Variants in NCAM2 observed in about 807,000 individuals in gnomAD.
NCAM2 encodes N-CAM-2.
A neutral mutation model predicts 98.1 loss-of-function variants in NCAM2; 30 were observed. That is an observed-to-expected ratio of 0.31 (90% confidence interval 0.23 to 0.41). NCAM2 has a LOEUF of 0.41. Among genes scored for constraint, NCAM2 ranks in the 10% least tolerant of loss-of-function variants. NCAM2 has a pLI of 1.00. For missense variants in NCAM2, 867 were observed against 1,005.8 expected (o/e 0.86, Z 1.87); for synonymous variants, 368 against 342.4 (o/e 1.07, Z -0.83).
At chr21:21,280,551 A>G (rs1490717042) in intron 1 of NCAM2, 27 bp from the exon 2 acceptor site, 19 of 1,512,266 alleles carry the variant, frequency 1.3e-5, no homozygotes, top group Non-Finnish European at 1.7e-5. Context: ...AAAAATCACC[A>G]TTAATTGTTT....
chr21:21,071,975 C>T lies in NCAM2; in HGVS notation c.55+73357C>T, dbSNP rs939917088. ...TTGCCCAGGCTGGAGTGCAGTGGCG[C>T]GATCTCGGCTCACTGCAAGCTCCGC... On this transcript the variant is annotated intron_variant, in intron 1 of 17. Coordinates refer to ENST00000400546, the MANE Select transcript of NCAM2 (RefSeq NM_004540.5). 8.9e-4 allele frequency among the ~76,000 whole-genome samples: 135 copies of T among 151,982 alleles called. 3 individuals carry two copies. The highest frequency in any genetic ancestry group is 3.1e-3 in the African/African-American group (129 of 41,404).
At chr21:21,167,669 A>G (rs1169313232) in intron 1 of NCAM2, among the ~76,000 whole-genome samples, 1 of 152,212 alleles carries the variant, frequency 6.6e-6, no homozygotes. Flanking sequence ...GGACATTAAA[A>G]TCATAAAGGA....
chr21:21,131,396 C>T (rs756086262), intron 1 of NCAM2, among the ~76,000 whole-genome samples: 2 of 152,104 alleles, frequency 1.3e-5, no homozygotes, highest in Non-Finnish European at 2.9e-5. Context: ...GTCTCAGCCT[C>T]CCTAGTAGCT....
chr21:21,015,880 T>G (rs1414906025), intron 1 of NCAM2, among the ~76,000 whole-genome samples: 1 of 152,092 alleles, frequency 6.6e-6, no homozygotes, highest in Non-Finnish European at 1.5e-5. Context: ...ATTTTTTTTT[T>G]GTATTTTTAG....
intron 1 of NCAM2, among the ~76,000 whole-genome samples, chr21:21,176,181 T>C (rs552146846): frequency 1.3e-5 from 2 of 152,316 alleles, no homozygotes; most frequent in South Asian, 2.1e-4. Flanking sequence ...TTGGAAGCAC[T>C]AGGCTATTTG....
chr21:21,186,301 G>A (rs1018419588), intron 1 of NCAM2, among the ~76,000 whole-genome samples: 1 of 151,940 alleles, frequency 6.6e-6, no homozygotes, highest in East Asian at 1.9e-4. Context: ...CTTTGATTTG[G>A]CCAGAAAATT....
At chr21:21,496,495 A>G (rs918132403) in intron 15 of NCAM2, among the ~76,000 whole-genome samples, 6 of 151,966 alleles carry the variant, frequency 3.9e-5, no homozygotes, top group Non-Finnish European at 8.8e-5. Context: ...TAAGTTCCCC[A>G]TAGATTCTGG....
At chr21:21,339,882 A>G (rs540455527) in intron 8 of NCAM2, among the ~76,000 whole-genome samples, 3 of 151,900 alleles carry the variant, frequency 2.0e-5, no homozygotes, top group African/African-American at 7.2e-5. Flanking sequence ...GCATTTTAAG[A>G]GATTATTTGA....
intron 9 of NCAM2, among the ~76,000 whole-genome samples, chr21:21,378,997 G>A (rs1302377139): frequency 6.6e-6 from 1 of 151,868 alleles, no homozygotes; most frequent in Admixed American, 6.6e-5. Context: ...CTAATTTAAG[G>A]CCATGACAAT....
intron 1 of NCAM2, among the ~76,000 whole-genome samples, chr21:21,246,599 A>T (rs1037231178): frequency 1.3e-5 from 2 of 152,172 alleles, no homozygotes; most frequent in African/African-American, 4.8e-5. Context: ...TTTTGGTAGT[A>T]ACAAATTGCA....
intron 14 of NCAM2, among the ~76,000 whole-genome samples, chr21:21,469,474 T>C (rs550913570): frequency 6.6e-6 from 1 of 152,140 alleles, no homozygotes; most frequent in Non-Finnish European, 1.5e-5. Context: ...AGTATTGGTG[T>C]CTACTGTAAA....
intron 9 of NCAM2, among the ~76,000 whole-genome samples, chr21:21,387,187 TACACACACACAC>T (rs61585220): frequency 2.5e-5 from 3 of 121,316 alleles, no homozygotes; most frequent in African/African-American, 8.5e-5. Context: ...CACACACACA[TACACACACACAC>T]ACACACACAC....
rs1392300701 is a variant in NCAM2 at position 21,286,328 on chromosome 21, G to A, written c.397G>A (p.Glu133Lys). 2.5e-6 allele frequency: 4 copies of A among 1,612,316 alleles called. No homozygotes were observed. The highest frequency in any genetic ancestry group is 3.4e-6 in the Non-Finnish European group (4 of 1,179,048). Residue 133 changes from glutamate to lysine, a missense_variant, in exon 4 of 18, where the codon GAA (glutamate) becomes AAA (lysine). Physicochemically the swap from Glu to Lys is moderately conservative, Grantham distance 56. Coordinates refer to ENST00000400546, the MANE Select transcript of NCAM2 (RefSeq NM_004540.5). ...PQEFKQGEDA[E>K]VVCRVSSSPA... ...AGAATTCAAACAAGGAGAAGATGCA[G>A]AAGTGGTTTGCCGAGTTAGCAGTTC...
At chr21:21,536,393 CTT>C (rs1004256872) in intron 17 of NCAM2, among the ~76,000 whole-genome samples, 1 of 129,036 alleles carries the variant, frequency 7.7e-6, no homozygotes, top group Admixed American at 8.4e-5. Context: ...CTATTTCTTT[CTT>C]TTTTTTTTTT....
At chr21:21,080,263 TA>T (rs1408037479) in intron 1 of NCAM2, among the ~76,000 whole-genome samples, 2 of 152,184 alleles carry the variant, frequency 1.3e-5, no homozygotes. Flanking sequence ...AAAGCTATTA[TA>T]AACAGATAAA....
chr21:21,090,815 C>T (rs1365893708), intron 1 of NCAM2, among the ~76,000 whole-genome samples: 1 of 152,136 alleles, frequency 6.6e-6, no homozygotes, highest in African/African-American at 2.4e-5. Flanking sequence ...GTATTCTCGC[C>T]TCAGATATGT....
At chr21:21,407,377 T>C (rs909516631) in intron 9 of NCAM2, among the ~76,000 whole-genome samples, 1 of 152,222 alleles carries the variant, frequency 6.6e-6, no homozygotes, top group African/African-American at 2.4e-5. Context: ...GTATTGCCTG[T>C]AGCAAGTATT....
chr21:21,421,743 T>C (rs1207684089), intron 11 of NCAM2, among the ~76,000 whole-genome samples: 3 of 152,190 alleles, frequency 2.0e-5, no homozygotes, highest in Non-Finnish European at 2.9e-5. Flanking sequence ...ATTGGCCTAT[T>C]TGCCTTGTAA....
intron 8 of NCAM2, among the ~76,000 whole-genome samples, chr21:21,355,860 C>T (rs1195349204): frequency 2.0e-5 from 3 of 151,942 alleles, no homozygotes; most frequent in South Asian, 2.1e-4. Context: ...CCACCCACCT[C>T]GGCCTCCCAA....
Sources: allele counts gnomAD v4.1 joint callset (sites outside exome capture counted in the v4.1 genomes callset), GRCh38; gene constraint gnomAD v4.1.1; transcripts MANE v1.5; gene names NCBI Gene and HGNC (gene_info 2026-07-23, HGNC 2026-07-21).